Variants in UGT1A3 observed in about 807,000 individuals in gnomAD.
The protein encoded by UGT1A3 is UDP-glucuronosyltransferase 1A3.
In UGT1A3, 31 loss-of-function variants were observed where a neutral mutation model predicts 41.0. The ratio of observed to expected loss-of-function variants is 0.76; its 90% CI spans 0.57 to 1.02. The LOEUF (loss-of-function observed/expected upper bound fraction) is 1.02, where lower values mean the gene tolerates loss of function less well. Among genes scored for constraint, UGT1A3 ranks in the 50% least tolerant of loss-of-function variants. The probability of loss-of-function intolerance (pLI) is 0.00; values close to 1 mark genes in which losing one functional copy is unlikely to be tolerated. For missense variants in UGT1A3, 737 were observed against 671.0 expected (o/e 1.10, Z -1.09); for synonymous variants, 262 against 257.6 (o/e 1.02, Z -0.17).
intron 1 of UGT1A3, chr2:233,761,138 A>G (rs1697686398): frequency 7.4e-6 from 12 of 1,614,200 alleles, no homozygotes; most frequent in Non-Finnish European, 1.0e-5. Context: ...CTTCACCAAA[A>G]TCCACTATCC....
intron 1 of UGT1A3, chr2:233,755,349 T>G (rs1322170401): frequency 5.0e-6 from 2 of 396,484 alleles, no homozygotes; most frequent in Admixed American, 3.8e-5. Flanking sequence ...GTCAGAGGCT[T>G]GGCGACCTGG....
chr2:233,748,324 T>A (rs1693918932), intron 1 of UGT1A3, among the ~76,000 whole-genome samples: 2 of 151,746 alleles, frequency 1.3e-5, no homozygotes, highest in South Asian at 4.1e-4. Flanking sequence ...AGGACTGATG[T>A]GACTCATGGA....
intron 1 of UGT1A3, chr2:233,760,357 G>A (rs1697415689): frequency 6.2e-7 from 1 of 1,613,982 alleles, no homozygotes; most frequent in African/African-American, 1.3e-5. Flanking sequence ...GGGCCCAGTG[G>A]TGTCCCATGC....
chr2:233,767,849 G>A lies in UGT1A3; in HGVS notation c.1000G>A (p.Val334Ile). ...ADALGKIPQT[V>I]LWRYTGTRPS... ...GTTCTGCTCTTTTTGCCCCTCCCAG[G>A]TCCTGTGGCGGTACACTGGAACCCG... The change falls in exon 3 of 5, where the codon GTC becomes ATC. Residue 334 changes from valine (V) to isoleucine (I), a missense_variant and splice_region_variant. Transcript: ENST00000482026. The A allele has an allele frequency of 1.2e-6, 2 of 1,613,920 alleles. No homozygotes were observed. The highest frequency in any genetic ancestry group is 1.7e-6 in the Non-Finnish European group (2 of 1,180,010).
At chr2:233,758,253 TAGTA>T (rs1415898131) in intron 1 of UGT1A3, among the ~76,000 whole-genome samples, 2 of 152,180 alleles carry the variant, frequency 1.3e-5, no homozygotes, top group African/African-American at 2.4e-5. Context: ...CTATTCAGAT[TAGTA>T]AGTATTTCTT....
In UGT1A3 at chr2:233,772,933, T is replaced by C. The variant is rs1700557835; in HGVS notation, c.*374T>C. On this transcript the variant is annotated 3_prime_UTR_variant, in exon 5 of 5. Coordinates refer to ENST00000482026, the MANE Select transcript of UGT1A3 (RefSeq NM_019093.4). ...ACTGCAAATGGCAGTTTTAATCTTA[T>C]CTTTTGGCTTCTGCAGATGGTTGCA... is the stretch of plus-strand genomic sequence containing the variant. 2 of 341,712 alleles carry C rather than the reference T, an allele frequency of 5.9e-6. No homozygotes were observed. Among genetic ancestry groups the C allele is most frequent in the East Asian group, 7.7e-5 (1 of 13,004 alleles). The allele number at this position is 341,712 out of a possible 1,614,324, so 21.2% of individuals were successfully genotyped here.
At chr2:233,770,541 C>T (rs745905860) in intron 4 of UGT1A3, 1 of 151,870 alleles carries the variant, frequency 6.6e-6, no homozygotes, top group Non-Finnish European at 1.5e-5. Flanking sequence ...GCCTGTAATC[C>T]CAGCTATTTG....
At chr2:233,762,940 A>G (rs1474565729) in intron 1 of UGT1A3, among the ~76,000 whole-genome samples, 1 of 152,236 alleles carries the variant, frequency 6.6e-6, no homozygotes, top group Admixed American at 6.5e-5. Context: ...AAACAGTTGA[A>G]TAATTCTGGC....
intron 1 of UGT1A3, chr2:233,747,993 T>G: frequency 6.2e-7 from 1 of 1,613,560 alleles, no homozygotes; most frequent in Non-Finnish European, 8.5e-7. Context: ...CCGAGGGGAC[T>G]TTGTGATGGA....
rs753472390 is a variant in UGT1A3, at chr2:233,729,523, C to T, written c.397C>T (p.His133Tyr). The change falls in exon 1 of 5, where the codon CAT (histidine) becomes TAT (tyrosine). Residue 133 changes from histidine to tyrosine, a missense_variant. Physicochemically the swap from His to Tyr is moderately conservative, Grantham distance 83. Transcript: ENST00000482026. ...TCATAGGTCTTGTGTGGAGCTACTA[C>T]ATAATGAGGCCCTGATCAGGCACCT... ...VYHRSCVELL[H>Y]NEALIRHLNA... The T allele has an allele frequency of 6.2e-7, 1 of 1,614,202 alleles. No individual in the cohort carries two copies. Among genetic ancestry groups the T allele is most frequent in the Non-Finnish European group, 8.5e-7 (1 of 1,180,044 alleles).
At chr2:233,765,145 T>A (rs1698762439) in intron 1 of UGT1A3, among the ~76,000 whole-genome samples, 1 of 152,138 alleles carries the variant, frequency 6.6e-6, no homozygotes, top group Admixed American at 6.5e-5. Context: ...ACATCACATG[T>A]CCTAGGGAAC....
intron 1 of UGT1A3, among the ~76,000 whole-genome samples, chr2:233,732,885 A>G (rs1356305155): frequency 6.6e-6 from 1 of 150,402 alleles, no homozygotes; most frequent in Non-Finnish European, 1.5e-5. Flanking sequence ...CATTGAATCT[A>G]TAAATTACCT....
At chr2:233,768,117 T>G in intron 3 of UGT1A3, 103 bp from the exon 4 acceptor site, 1 of 1,600,038 alleles carries the variant, frequency 6.2e-7, no homozygotes, top group Non-Finnish European at 8.5e-7. Context: ...TGCAAGGGCA[T>G]GTGAGTAACA....
chr2:233,754,783 A>T (rs1413536581), intron 1 of UGT1A3: 1 of 1,152,612 alleles, frequency 8.7e-7, no homozygotes, highest in Admixed American at 2.2e-5. Context: ...GAGCCAAAGG[A>T]ACGAAATCCT....
At chr2:233,731,565 G>A (rs1168065167) in intron 1 of UGT1A3, among the ~76,000 whole-genome samples, 1 of 152,192 alleles carries the variant, frequency 6.6e-6, no homozygotes, top group African/African-American at 2.4e-5. Context: ...ATAGTTTGCT[G>A]AGAATGATGG....
chr2:233,729,659 G>A lies in UGT1A3; in HGVS notation c.533G>A (p.Cys178Tyr). The A allele has an allele frequency of 6.2e-7, 1 of 1,613,886 alleles. No individual in the cohort carries two copies. Among genetic ancestry groups the A allele is most frequent in the Non-Finnish European group, 8.5e-7 (1 of 1,179,854 alleles). Residue 178 changes from cysteine (C) to tyrosine (Y), a missense_variant, in exon 1 of 5, where the codon TGT becomes TAT. By Grantham distance (194) the Cys-to-Tyr change is radical. Transcript: ENST00000482026. ...PTVFFLRNIP[C>Y]DLDFKGTQCP... is the part of the protein sequence containing the mutation. Reference sequence around the variant, plus strand: ...GTGTTTTTTTTGAGGAACATTCCATGTGATTTAGACTTTAAGGGCACACAG... The same window carrying A: ...GTGTTTTTTTTGAGGAACATTCCATATGATTTAGACTTTAAGGGCACACAG...
intron 4 of UGT1A3, chr2:233,771,337 C>A (rs949199935): frequency 6.6e-6 from 1 of 152,084 alleles, no homozygotes; most frequent in Non-Finnish European, 1.5e-5. Flanking sequence ...CCTCTTCATT[C>A]CTGTAGCACC....
At chr2:233,760,894 C>T (rs1697601712) in intron 1 of UGT1A3, 6 of 1,614,174 alleles carry the variant, frequency 3.7e-6, no homozygotes, top group Non-Finnish European at 5.1e-6. Flanking sequence ...TCATTCAGAT[C>T]ACATGACCTT....
rs753289474 is a variant in UGT1A3, at chr2:233,769,632, G to A, written c.1307+1193G>A. The A allele has an allele frequency of 1.9e-6, 3 of 1,611,424 alleles. No individual in the cohort carries two copies. The highest frequency in any genetic ancestry group is 2.5e-6 in the Non-Finnish European group (3 of 1,179,338). On this transcript the variant is annotated intron_variant, in intron 4 of 4. Coordinates refer to ENST00000482026, the MANE Select transcript of UGT1A3 (RefSeq NM_019093.4). The surrounding 1 kb of genome is among the most constrained non-coding windows in gnomAD (Gnocchi z 4.4). ...CACCAGCTTGAGCAAGGGACAACAGGGGAGGACTGATGACTGACTTCCCAC... is the reference window on the plus strand; with the variant it reads ...CACCAGCTTGAGCAAGGGACAACAGAGGAGGACTGATGACTGACTTCCCAC...
Sources: allele counts gnomAD v4.1 joint callset (sites outside exome capture counted in the v4.1 genomes callset), GRCh38; gene constraint gnomAD v4.1.1; non-coding constraint Gnocchi (gnomAD v3.1); transcripts MANE v1.5; gene names NCBI Gene and HGNC (gene_info 2026-07-23, HGNC 2026-07-21).